The following ERN1 variants were observed in gnomAD, a reference collection of about 807,000 sequenced individuals.
The protein encoded by ERN1 is endoplasmic reticulum to nucleus signaling 1.
In ERN1, 39 loss-of-function variants were observed where a neutral mutation model predicts 113.1. The observed-to-expected ratio is 0.34, with a 90% CI of 0.27 to 0.45. The LOEUF (loss-of-function observed/expected upper bound fraction) is 0.45. Among genes scored for constraint, ERN1 ranks in the 20% least tolerant of loss-of-function variants. ERN1 has a pLI of 1.00. For synonymous variants in ERN1, 507 were observed against 515.9 expected, an observed-to-expected ratio of 0.98 and a Z score of 0.23; for missense variants, 976 against 1,274.8, an observed-to-expected ratio of 0.77 and a Z score of 3.57.
intron 1 of ERN1, among the ~76,000 whole-genome samples, chr17:64,123,550 C>T (rs957963206): frequency 2.6e-5 from 4 of 151,964 alleles, no homozygotes; most frequent in Non-Finnish European, 5.9e-5. Flanking sequence ...TACTTTAAAC[C>T]GCCTATCATA....
chr17:64,128,161 ATTTTTTTTTTTT>A (rs760752335), intron 1 of ERN1, among the ~76,000 whole-genome samples: 2 of 126,400 alleles, frequency 1.6e-5, no homozygotes, highest in East Asian at 4.3e-4. Context: ...CGCCCGGCTA[ATTTTTTTTTTTT>A]TTTTTTTTTG....
intron 1 of ERN1, among the ~76,000 whole-genome samples, chr17:64,114,267 A>C (rs1302891595): frequency 1.3e-5 from 2 of 152,220 alleles, no homozygotes; most frequent in African/African-American, 4.8e-5. Context: ...GTCCAATAGG[A>C]GACCCCAGTA....
At position 64,063,798 on chromosome 17, in the gene ERN1, C is replaced by T. The variant is rs1008613608; in HGVS notation, c.1087+188G>A. 1.6e-4 allele frequency among the ~76,000 whole-genome samples: 25 copies of T among 152,154 alleles called. No individual in the cohort carries two copies. Among genetic ancestry groups the T allele is most frequent in the Non-Finnish European group, 1.9e-4 (13 of 68,020 alleles). ...ATTAAACAGTTTTCAAAAACTGACT[C>T]AGAAACACAGCTACCTTGTTGATTT... On this transcript the variant is annotated intron_variant, in intron 10 of 21. Transcript: ENST00000433197. This position sits in a 1 kb window ranked among gnomAD's most constrained non-coding sequence, Gnocchi z 5.1.
At position 64,063,865 on chromosome 17, in the gene ERN1, G is replaced by A. The variant is rs1357316349; in HGVS notation, c.1087+121C>T. The A allele has an allele frequency of 1.2e-6, 1 of 857,414 alleles. No homozygotes were observed. The highest frequency in any genetic ancestry group is 1.8e-6 in the Non-Finnish European group (1 of 555,578). The allele number at this position is 857,414 out of a possible 1,614,324, so 53.1% of individuals were successfully genotyped here. A position where few individuals can be genotyped will look rare whatever the true frequency, so the allele number is the denominator to read the frequency against. On this transcript the variant is annotated intron_variant, in intron 10 of 21. Coordinates refer to ENST00000433197, the MANE Select transcript of ERN1 (RefSeq NM_001433.5). The surrounding 1 kb of genome is among the most constrained non-coding windows in gnomAD (Gnocchi z 5.1). ...TGTCCCAAGGTCTCAGGGGCCAGCC[G>A]GGAAGGGCTCTGAGCACAAGGCCTT...
chr17:64,077,053 C>T (rs1446708420), intron 4 of ERN1, among the ~76,000 whole-genome samples: 1 of 152,204 alleles, frequency 6.6e-6, no homozygotes, highest in African/African-American at 2.4e-5. Context: ...CAGTTTCTGG[C>T]AAACAAATTG....
chr17:64,094,400 G>C (rs1240961951), intron 2 of ERN1, among the ~76,000 whole-genome samples: 1 of 152,176 alleles, frequency 6.6e-6, no homozygotes, highest in Non-Finnish European at 1.5e-5. Flanking sequence ...ATTTGTTTTA[G>C]ATTACCAGTT....
intron 1 of ERN1, among the ~76,000 whole-genome samples, chr17:64,116,019 T>G (rs945191579): frequency 6.6e-5 from 10 of 152,222 alleles, no homozygotes; most frequent in African/African-American, 2.4e-4. Flanking sequence ...AATCCTGGTC[T>G]TGCAACATCT....
At chr17:64,101,785 C>T (rs1465051676) in intron 1 of ERN1, among the ~76,000 whole-genome samples, 1 of 152,172 alleles carries the variant, frequency 6.6e-6, no homozygotes, top group Non-Finnish European at 1.5e-5. Flanking sequence ...GCCTACAGTA[C>T]AACCATAATG....
At chr17:64,066,650 T>C in intron 8 of ERN1, 21 bp downstream of exon 8, 3 of 1,611,702 alleles carry the variant, frequency 1.9e-6, no homozygotes, top group South Asian at 1.1e-5. Flanking sequence ...CGCCCTCTCC[T>C]TCCCCGAGCT....
intron 6 of ERN1, among the ~76,000 whole-genome samples, 157 bp downstream of exon 6, chr17:64,071,823 TG>T (rs1412173998): frequency 6.6e-6 from 1 of 152,068 alleles, no homozygotes; most frequent in Non-Finnish European, 1.5e-5. Context: ...CCTTGCACAC[TG>T]GGGGGACACT....
At chr17:64,094,425 T>C (rs1914172575) in intron 2 of ERN1, among the ~76,000 whole-genome samples, 1 of 152,224 alleles carries the variant, frequency 6.6e-6, no homozygotes, top group African/African-American at 2.4e-5. Flanking sequence ...AATATGTTTA[T>C]TTCTTTTTGA....
intron 2 of ERN1, among the ~76,000 whole-genome samples, chr17:64,094,357 A>G (rs1343564470): frequency 6.6e-6 from 1 of 152,192 alleles, no homozygotes; most frequent in Non-Finnish European, 1.5e-5. Flanking sequence ...TTTACATGCT[A>G]TATCTATGTG....
intron 1 of ERN1, among the ~76,000 whole-genome samples, chr17:64,110,517 T>C (rs770780662): frequency 2.0e-5 from 3 of 152,218 alleles, no homozygotes; most frequent in Admixed American, 6.5e-5. Context: ...CCACTGCCAA[T>C]TCCTTTGATG....
chr17:64,069,882 G>T (rs1913356196), intron 6 of ERN1, among the ~76,000 whole-genome samples: 1 of 152,090 alleles, frequency 6.6e-6, no homozygotes, highest in African/African-American at 2.4e-5. Flanking sequence ...GTCTTTGGAG[G>T]GAGTGGGAGG....
In ERN1 at chr17:64,040,025, G is replaced by A. The variant is rs1912288684; in HGVS notation, c.*3963C>T. ...GGGTTTAAAAGATGATGTCCAACCT[G>A]GGAGGGTGGAATTTCGGCTCACCTG... On this transcript the variant is annotated 3_prime_UTR_variant, in exon 22 of 22. Transcript: ENST00000433197. 1 of 152,212 alleles carries A rather than the reference G, an allele frequency of 6.6e-6. No homozygotes were observed. The highest frequency in any genetic ancestry group is 6.5e-5 in the Admixed American group (1 of 15,276). 9.4% of individuals were successfully genotyped at this position (152,212 alleles called of 1,614,324 possible).
intron 2 of ERN1, among the ~76,000 whole-genome samples, chr17:64,082,935 A>G (rs1225511434): frequency 6.6e-6 from 1 of 152,208 alleles, no homozygotes; most frequent in Admixed American, 6.5e-5. Context: ...ACTCAGTAAA[A>G]TAAGCACCTG....
chr17:64,111,359 T>C (rs1041829271), intron 1 of ERN1, among the ~76,000 whole-genome samples: 1 of 148,308 alleles, frequency 6.7e-6, no homozygotes, highest in East Asian at 1.9e-4. Context: ...CATCCAATGT[T>C]TTTTTTTTTT....
intron 19 of ERN1, 34 bp downstream of exon 19, chr17:64,047,824 G>A: frequency 6.6e-7 from 1 of 1,517,730 alleles, no homozygotes; most frequent in Non-Finnish European, 8.9e-7. Context: ...AACATTAAAT[G>A]AAGACTCTGG....
chr17:64,095,302 G>A (rs1233010081), intron 2 of ERN1, among the ~76,000 whole-genome samples: 1 of 152,096 alleles, frequency 6.6e-6, no homozygotes. Flanking sequence ...AGTGGCGCAT[G>A]CCTGTAATCC....
Sources: gnomAD v4.1 joint callset for allele counts (sites outside exome capture counted in the v4.1 genomes callset) on GRCh38, gnomAD v4.1.1 for gene constraint, Gnocchi (gnomAD v3.1) non-coding constraint, MANE v1.5 for transcripts, NCBI Gene and HGNC (gene_info 2026-07-23, HGNC 2026-07-21) for gene names.